SPATS1: variants seen among roughly 807,000 people sequenced by gnomAD.
SPATS1 encodes spermatogenesis associated serine rich 1.
A neutral mutation model predicts 33.6 loss-of-function variants in SPATS1; 23 were observed. The ratio of observed to expected loss-of-function variants is 0.68; its 90% confidence interval spans 0.49 to 0.97. The LOEUF is 0.97. SPATS1 is among the 50% of genes least tolerant of loss of function. The pLI is 0.00. For synonymous variants in SPATS1, 131 were observed against 125.6 expected, an observed-to-expected ratio of 1.04 and a Z score of -0.29; for missense variants, 327 against 361.0, an observed-to-expected ratio of 0.91 and a Z score of 0.76.
At chr6:44,346,908 G>C (rs996775890) in intron 2 of SPATS1, among the ~76,000 whole-genome samples, 1 of 152,126 alleles carries the variant, frequency 6.6e-6, no homozygotes, top group Non-Finnish European at 1.5e-5. Context: ...TCATTCTACT[G>C]TAAAGACACA....
intron 7 of SPATS1, among the ~76,000 whole-genome samples, chr6:44,371,861 C>T (rs1409915886): frequency 4.0e-5 from 6 of 149,404 alleles, no homozygotes; most frequent in African/African-American, 5.0e-5. Context: ...AGGAGAATGG[C>T]GTGAACCTGG....
intron 3 of SPATS1, 87 bp downstream of exon 3, chr6:44,352,960 G>A: frequency 7.1e-7 from 1 of 1,413,720 alleles, no homozygotes; most frequent in Non-Finnish European, 9.8e-7. Flanking sequence ...TGGTATGCTT[G>A]GCAAGAGCAT....
chr6:44,378,832 G>A lies in SPATS1; in HGVS notation c.*1769G>A, dbSNP rs1178879236. 6.6e-6 allele frequency: 1 copy of A among 152,166 alleles called. No homozygotes were observed. Among genetic ancestry groups the A allele is most frequent in the African/African-American group, 2.4e-5 (1 of 41,394 alleles). 9.4% of individuals were successfully genotyped at this position (152,166 alleles called of 1,614,324 possible). A position where few individuals can be genotyped will look rare whatever the true frequency, so the allele number is the denominator to read the frequency against. On this transcript the variant is annotated 3_prime_UTR_variant, in exon 9 of 9. Transcript: ENST00000674044. ...CATGGCACCTTCATATGTGCCTCTAGACTAACTGGCAGAGAGCATGGTGCC... is the reference window on the plus strand; with the variant it reads ...CATGGCACCTTCATATGTGCCTCTAAACTAACTGGCAGAGAGCATGGTGCC...
intron 2 of SPATS1, among the ~76,000 whole-genome samples, chr6:44,347,372 A>T (rs76606797): frequency 9.1e-5 from 1 of 11,028 alleles, no homozygotes; most frequent in Non-Finnish European, 2.8e-4. Flanking sequence ...TTAAAGTATA[A>T]AAAAAAAGCT....
In SPATS1 at chr6:44,368,235, C is replaced by T. The variant is rs111776102; in HGVS notation, c.575-144C>T. 2,580 of 863,778 alleles carry T rather than the reference C, an allele frequency of 3.0e-3. 48 individuals are homozygous for T. In the African/African-American group the frequency reaches 0.035, roughly 12 times the overall value. The allele number at this position is 863,778 out of a possible 1,614,324, so 53.5% of individuals were successfully genotyped here. ...GCTCATCTCCTTAAGGCAAGATAAT[C>T]ACAAACAGAACTTTGAGAAACTTCT... On this transcript the variant is annotated intron_variant, in intron 5 of 8. Coordinates refer to ENST00000674044, the MANE Select transcript of SPATS1 (RefSeq NM_001372081.1).
intron 7 of SPATS1, among the ~76,000 whole-genome samples, chr6:44,373,405 G>A (rs1299374585): frequency 1.3e-5 from 2 of 152,144 alleles, no homozygotes; most frequent in Non-Finnish European, 2.9e-5. Flanking sequence ...TTTTCTACTT[G>A]TTTAAGTCAG....
intron 6 of SPATS1, among the ~76,000 whole-genome samples, chr6:44,368,970 C>T (rs931274830): frequency 1.7e-4 from 26 of 150,392 alleles, no homozygotes; most frequent in Non-Finnish European, 3.5e-4. Flanking sequence ...CATCTCAGCT[C>T]ACTGCAAGCT....
At chr6:44,344,923 A>G (rs1365195727) in intron 2 of SPATS1, among the ~76,000 whole-genome samples, 1 of 152,122 alleles carries the variant, frequency 6.6e-6, no homozygotes, top group African/African-American at 2.4e-5. Context: ...AACAATTTTC[A>G]TGATAAATGG....
intron 2 of SPATS1, among the ~76,000 whole-genome samples, chr6:44,345,519 C>T (rs1249901096): frequency 6.6e-6 from 1 of 152,164 alleles, no homozygotes; most frequent in African/African-American, 2.4e-5. Flanking sequence ...TCTCTGATAC[C>T]ATCCATAGAG....
At chr6:44,362,671 C>T (rs1193228581) in intron 5 of SPATS1, among the ~76,000 whole-genome samples, 5 of 152,182 alleles carry the variant, frequency 3.3e-5, no homozygotes, top group East Asian at 3.8e-4. Context: ...AAGAAGTAGA[C>T]TGTTCTCATT....
Position 44,377,638 on chromosome 6 carries a change from T to A in SPATS1, c.*575T>A, listed in dbSNP as rs530741281. 6.4e-6 allele frequency: 1 copy of A among 156,832 alleles called. No individual in the cohort carries two copies. The highest frequency in any genetic ancestry group is 1.9e-4 in the South Asian group (1 of 5,148). 9.7% of individuals were successfully genotyped at this position (156,832 alleles called of 1,614,324 possible). A position where few individuals can be genotyped will look rare whatever the true frequency, so the allele number is the denominator to read the frequency against. ...AAAACGCCATAAACAGAATGGCTTA[T>A]AAACAATAGGAATTCATTTCTTACA... On this transcript the variant is annotated 3_prime_UTR_variant, in exon 9 of 9. Transcript: ENST00000674044.
At position 44,371,887 on chromosome 6, in the gene SPATS1, G is replaced by A. The variant is rs534526305; in HGVS notation, c.758+1774G>A. Among the ~76,000 whole-genome samples, 6 of 150,568 alleles carry A rather than the reference G, an allele frequency of 4.0e-5. No homozygotes were observed. The South Asian group carries it at 6.3e-4, about 16-fold the overall frequency. On this transcript the variant is annotated intron_variant, in intron 7 of 8. Coordinates refer to ENST00000674044, the MANE Select transcript of SPATS1 (RefSeq NM_001372081.1). ...GTGAACCTGGGAGGCAGAGCTTGCAGTGAGCTGAGATGGTGCCACTGCACT... is the reference window on the plus strand; with the variant it reads ...GTGAACCTGGGAGGCAGAGCTTGCAATGAGCTGAGATGGTGCCACTGCACT...
chr6:44,360,273 C>A (rs1788831128), intron 3 of SPATS1, among the ~76,000 whole-genome samples, 173 bp from the exon 4 acceptor site: 1 of 152,212 alleles, frequency 6.6e-6, no homozygotes, highest in Admixed American at 6.5e-5. Flanking sequence ...CCCATCTTTT[C>A]AATAAGTTTC....
At chr6:44,373,687 A>C (rs1789762270) in intron 7 of SPATS1, among the ~76,000 whole-genome samples, 1 of 152,246 alleles carries the variant, frequency 6.6e-6, no homozygotes, top group Non-Finnish European at 1.5e-5. Flanking sequence ...GAACCAGATA[A>C]AGTTGCCAAG....
chr6:44,349,662 A>G (rs1788118959), intron 2 of SPATS1, among the ~76,000 whole-genome samples: 1 of 152,236 alleles, frequency 6.6e-6, no homozygotes, highest in African/African-American at 2.4e-5. Flanking sequence ...GGTGCCTTAT[A>G]TTCAGTGAAA....
chr6:44,348,691 A>G (rs1196146969), intron 2 of SPATS1, among the ~76,000 whole-genome samples: 1 of 152,108 alleles, frequency 6.6e-6, no homozygotes, highest in African/African-American at 2.4e-5. Context: ...CTCCAGAGAC[A>G]GTAGAGAAGC....
chr6:44,369,045 C>T (rs559368211), intron 6 of SPATS1, among the ~76,000 whole-genome samples: 13 of 151,940 alleles, frequency 8.6e-5, no homozygotes, highest in South Asian at 4.2e-4. Context: ...TACAGGTGCC[C>T]GCCACCACAC....
intron 2 of SPATS1, among the ~76,000 whole-genome samples, chr6:44,350,037 T>G (rs752665589): frequency 7.2e-5 from 11 of 152,304 alleles, no homozygotes; most frequent in Middle Eastern, 3.4e-3. Flanking sequence ...CTTGACTCCA[T>G]CCCAGTTACA....
At chr6:44,360,397 G>A in intron 3 of SPATS1, 49 bp from the exon 4 acceptor site, 1 of 1,611,754 alleles carries the variant, frequency 6.2e-7, no homozygotes, top group Non-Finnish European at 8.5e-7. Flanking sequence ...AGATCAGGCT[G>A]TAACTACCAG....
Sources: allele counts gnomAD v4.1 joint callset (sites outside exome capture counted in the v4.1 genomes callset), GRCh38; gene constraint gnomAD v4.1.1; transcripts MANE v1.5; gene names NCBI Gene and HGNC (gene_info 2026-07-23, HGNC 2026-07-21).